The following DOP1B variants were observed in gnomAD, a reference collection of about 807,000 sequenced individuals.
The protein encoded by DOP1B is protein DOP1B.
In DOP1B, 174 loss-of-function variants were observed where a neutral mutation model predicts 233.5. That is an observed-to-expected ratio of 0.75 (90% CI 0.66 to 0.85). DOP1B has a LOEUF of 0.85. DOP1B is among the 40% of genes least tolerant of loss of function. The pLI is 0.00. For synonymous variants in DOP1B, 1,190 were observed against 1,185.6 expected (o/e 1.00, Z -0.08); for missense variants, 2,652 against 2,846.6 (o/e 0.93, Z 1.56).
rs1426282899 is a variant in DOP1B, at chr21:36,246,043, A to G, written c.4063A>G (p.Ile1355Val). Reference protein sequence around the residue: ...QVKSVEVLIRIMMQLVSVAKS... With the variant: ...QVKSVEVLIRVMMQLVSVAKS... ...CAAAAGTGTCGAGGTTTTGATCAGG[A>G]TAATGATGCAGCTGGTCTCAGTGGC... The change falls in exon 19 of 37, where the codon ATA becomes GTA. Residue 1355 changes from isoleucine (I) to valine (V), a missense_variant. By Grantham distance (29) the Ile-to-Val change is conservative. This residue lies in a region of DOP1B where 2,617 missense variants were observed against 2,794.3 expected (regional missense o/e 0.94). Coordinates refer to ENST00000691173, the MANE Select transcript of DOP1B (RefSeq NM_001320714.2). The surrounding 1 kb of genome is among the most constrained non-coding windows in gnomAD (Gnocchi z 5.1). The G allele has an allele frequency of 1.9e-6, 3 of 1,613,894 alleles. No individual in the cohort carries two copies. In the South Asian group the frequency reaches 3.3e-5, roughly 18 times the overall value.
intron 15 of DOP1B, among the ~76,000 whole-genome samples, chr21:36,235,866 G>GCT (rs1555893487): frequency 6.8e-6 from 1 of 147,808 alleles, no homozygotes; most frequent in Non-Finnish European, 1.5e-5. Context: ...AGGAAGTCGG[G>GCT]GGGGGGGCGG....
Position 36,200,427 on chromosome 21 carries a change from G to C in DOP1B, c.417G>C (p.Leu139=), listed in dbSNP as rs1282728730. 1 of 1,613,482 alleles carries C rather than the reference G, an allele frequency of 6.2e-7. No individual in the cohort carries two copies. The highest frequency in any genetic ancestry group is 8.5e-7 in the Non-Finnish European group (1 of 1,180,016). ...YEKYFLPLQK[L]LLPSLQAFIV... ...AGTACTTCCTCCCACTGCAGAAGCT[G>C]CTCCTGCCCAGTCTGCAGGCCTTCA... Residue 139 remains leucine (L), a synonymous_variant, in exon 4 of 37, where the codon CTG becomes CTC. Coordinates refer to ENST00000691173, the MANE Select transcript of DOP1B (RefSeq NM_001320714.2).
chr21:36,228,663 G>A (rs1601428756), intron 13 of DOP1B, among the ~76,000 whole-genome samples: 2 of 152,032 alleles, frequency 1.3e-5, no homozygotes, highest in African/African-American at 4.8e-5. Flanking sequence ...CTACTCAGGA[G>A]GCTGAGGCAG....
chr21:36,253,534 C>T (rs1378773325), intron 22 of DOP1B, among the ~76,000 whole-genome samples: 2 of 151,450 alleles, frequency 1.3e-5, no homozygotes, highest in African/African-American at 4.8e-5. Flanking sequence ...GCCAACATGG[C>T]GAAACCTCAT....
intron 2 of DOP1B, among the ~76,000 whole-genome samples, chr21:36,167,263 C>T (rs914364870): frequency 1.3e-5 from 2 of 152,150 alleles, no homozygotes; most frequent in Non-Finnish European, 2.9e-5. Context: ...ACCTGAGCCT[C>T]CCAGGTTCAA....
In DOP1B at chr21:36,246,072, G is replaced by GTCT; in HGVS notation, c.4095_4097dup (p.Ser1366dup). The GTCT allele has an allele frequency of 8.1e-6, 13 of 1,614,142 alleles. No individual in the cohort carries two copies. The highest frequency in any genetic ancestry group is 1.1e-5 in the Non-Finnish European group (13 of 1,180,046). On this transcript the variant is annotated inframe_insertion, in exon 19 of 37. Coordinates refer to ENST00000691173, the MANE Select transcript of DOP1B (RefSeq NM_001320714.2). The surrounding 1 kb of genome is among the most constrained non-coding windows in gnomAD (Gnocchi z 5.1). ...TGATGCAGCTGGTCTCAGTGGCCAA[G>GTCT]TCTTCGGAAGGGAAGAACGTGGAGT...
At chr21:36,262,420 G>A (rs1326416047) in intron 24 of DOP1B, among the ~76,000 whole-genome samples, 1 of 152,196 alleles carries the variant, frequency 6.6e-6, no homozygotes, top group Non-Finnish European at 1.5e-5. Context: ...TCACTGCCTG[G>A]ACTGTGCTTC....
rs148980339 is a variant in DOP1B at position 36,259,717 on chromosome 21, G to A, written c.5260-960G>A. Among the ~76,000 whole-genome samples, 815 of 152,282 alleles carry A rather than the reference G, an allele frequency of 5.4e-3. 14 individuals are homozygous for A. The highest frequency in any genetic ancestry group is 0.019 in the African/African-American group (770 of 41,548). On this transcript the variant is annotated intron_variant, in intron 23 of 36. Coordinates refer to ENST00000691173, the MANE Select transcript of DOP1B (RefSeq NM_001320714.2). Reference sequence around the variant, plus strand: ...CTGCAGAGGCTATGACAGCCAGAGCGAGTGTGTTTAGGTTGTATTCCTTCA... The same window carrying A: ...CTGCAGAGGCTATGACAGCCAGAGCAAGTGTGTTTAGGTTGTATTCCTTCA...
At chr21:36,281,730 A>T (rs1314854782) in intron 32 of DOP1B, 119 bp downstream of exon 32, 1 of 955,728 alleles carries the variant, frequency 1.0e-6, no homozygotes, top group East Asian at 2.8e-5. Flanking sequence ...TCCTATATCC[A>T]GGGCTGGCGT....
At chr21:36,267,069 C>T (rs183522382) in intron 26 of DOP1B, among the ~76,000 whole-genome samples, 9 of 152,298 alleles carry the variant, frequency 5.9e-5, no homozygotes, top group Admixed American at 3.3e-4. Flanking sequence ...GCCTAGGAAC[C>T]GTGTGGCACA....
At chr21:36,257,642 AAGT>A (rs1334955008) in intron 23 of DOP1B, among the ~76,000 whole-genome samples, 1 of 151,138 alleles carries the variant, frequency 6.6e-6, no homozygotes, top group African/African-American at 2.5e-5. Flanking sequence ...AGATAGATAG[AAGT>A]AGTTAGGTAA....
At chr21:36,194,487 C>T (rs9976570) in intron 2 of DOP1B, among the ~76,000 whole-genome samples, 18,162 of 81,240 alleles carry the variant, frequency 0.22, 1,857 homozygotes, top group Non-Finnish European at 0.26. Context: ...CTCTCTCTCT[C>T]TTTTTTTTTT....
At chr21:36,193,149 C>T (rs1377792121) in intron 2 of DOP1B, among the ~76,000 whole-genome samples, 1 of 152,172 alleles carries the variant, frequency 6.6e-6, no homozygotes, top group Admixed American at 6.5e-5. Flanking sequence ...AATATCTTTT[C>T]CTCATCCATT....
At chr21:36,249,624 G>A (rs1297632661) in intron 21 of DOP1B, among the ~76,000 whole-genome samples, 5 of 149,828 alleles carry the variant, frequency 3.3e-5, no homozygotes, top group South Asian at 2.2e-4. Context: ...AACCAAAAAC[G>A]CACAACTGTG....
chr21:36,251,681 A>C (rs1230906955), intron 22 of DOP1B, among the ~76,000 whole-genome samples: 2 of 152,166 alleles, frequency 1.3e-5, no homozygotes, highest in Admixed American at 1.3e-4. Context: ...TCGGCCTCCT[A>C]AAGTGCTGGG....
chr21:36,257,176 G>A (rs1433615588), intron 23 of DOP1B, among the ~76,000 whole-genome samples: 1 of 152,158 alleles, frequency 6.6e-6, no homozygotes, highest in Non-Finnish European at 1.5e-5. Context: ...GTAGGGCAAG[G>A]TATGGGGGAA....
intron 28 of DOP1B, 120 bp downstream of exon 28, chr21:36,277,220 C>T (rs1390430937): frequency 5.3e-6 from 5 of 949,250 alleles, no homozygotes; most frequent in African/African-American, 1.6e-5. Flanking sequence ...CAGGTGAGCT[C>T]GTCCATCAGG....
At chr21:36,211,731 C>G (rs566453086) in intron 6 of DOP1B, 80 bp downstream of exon 6, 1 of 1,457,214 alleles carries the variant, frequency 6.9e-7, no homozygotes, top group Non-Finnish European at 9.6e-7. Flanking sequence ...TTCTGTCGTA[C>G]GAGGACAGCT....
chr21:36,281,395 A>T (rs962585286), intron 31 of DOP1B, 88 bp from the exon 32 acceptor site: 7 of 1,360,494 alleles, frequency 5.1e-6, no homozygotes, highest in Non-Finnish European at 6.0e-6. Context: ...TCACCAGGGA[A>T]TATAGAATTA....
Sources: allele counts gnomAD v4.1 joint callset (sites outside exome capture counted in the v4.1 genomes callset), GRCh38; gene constraint gnomAD v4.1.1; regional missense constraint gnomAD v4.1.1; non-coding constraint Gnocchi (gnomAD v3.1); transcripts MANE v1.5; gene names NCBI Gene and HGNC (gene_info 2026-07-23, HGNC 2026-07-21).